The following TMEM129 variants were observed in gnomAD, a reference collection of about 807,000 sequenced individuals.
TMEM129 encodes the protein E3 ubiquitin-protein ligase TM129.
A neutral mutation model predicts 34.1 loss-of-function variants in TMEM129; 35 were observed. The observed-to-expected ratio is 1.03, with a 90% CI of 0.78 to 1.36. The LOEUF is 1.36. Among genes scored for constraint, TMEM129 ranks in the 40% most tolerant of loss-of-function variants. TMEM129 has a pLI of 0.00. For synonymous variants in TMEM129, 239 were observed against 217.3 expected, an observed-to-expected ratio of 1.10 and a Z score of -0.88; for missense variants, 504 against 512.6, an observed-to-expected ratio of 0.98 and a Z score of 0.16.
Position 1,718,268 on chromosome 4 carries a change from G to C in TMEM129, c.564C>G (p.His188Gln). 6.2e-7 allele frequency: 1 copy of C among 1,611,840 alleles called. No homozygotes were observed. The highest frequency in any genetic ancestry group is 8.5e-7 in the Non-Finnish European group (1 of 1,179,242). Reference protein sequence around the residue: ...RVHVAQQQDVHLTVTESRQHE... With the variant: ...RVHVAQQQDVQLTVTESRQHE... ...GCTGCCGAGACTCCGTCACAGTCAG[G>C]TGCACGTCCTGCTGCTGGGCCACGT... Residue 188 changes from histidine to glutamine, a missense_variant, in exon 2 of 4, where the codon CAC becomes CAG. Transcript: ENST00000382936.
At chr4:1,719,208 C>T (rs1206992768) in intron 1 of TMEM129, 6 of 482,006 alleles carry the variant, frequency 1.2e-5, no homozygotes, top group Admixed American at 7.0e-5. Flanking sequence ...TAATAGTCCA[C>T]ATTTGGAGTT....
At position 1,720,925 on chromosome 4, in the gene TMEM129, C is replaced by T. The variant is rs996775102; in HGVS notation, c.-88G>A. On this transcript the variant is annotated 5_prime_UTR_variant, in exon 1 of 4. Coordinates refer to ENST00000382936, the MANE Select transcript of TMEM129 (RefSeq NM_001127266.2). The surrounding 1 kb of genome is among the most constrained non-coding windows in gnomAD (Gnocchi z 4.4). ...CGCCCAGTCCCGGACCTGTCGGTTG[C>T]GGCGGCCGCCGCCCGGCCGCCCGCG... The T allele has an allele frequency of 6.0e-6, 7 of 1,158,030 alleles. No individual in the cohort carries two copies. Among genetic ancestry groups the T allele is most frequent in the Middle Eastern group, 3.1e-4 (1 of 3,200 alleles). 71.7% of individuals were successfully genotyped at this position (1,158,030 alleles called of 1,614,324 possible).
At chr4:1,719,322 G>A (rs1483290282) in intron 1 of TMEM129, 13 of 434,658 alleles carry the variant, frequency 3.0e-5, no homozygotes. Context: ...GGGAAGCCGA[G>A]GCGGACGGAT....
chr4:1,719,907 C>T (rs980889867), intron 1 of TMEM129, among the ~76,000 whole-genome samples: 71 of 152,342 alleles, frequency 4.7e-4, no homozygotes, highest in Non-Finnish European at 8.4e-4. Context: ...GGTCACCCCT[C>T]TTGTATCCCC....
Position 1,720,921 on chromosome 4 carries a change from G to A in TMEM129, c.-84C>T, listed in dbSNP as rs1717293382. ...GCAGCGCCCAGTCCCGGACCTGTCG[G>A]TTGCGGCGGCCGCCGCCCGGCCGCC... On this transcript the variant is annotated 5_prime_UTR_variant, in exon 1 of 4. Coordinates refer to ENST00000382936, the MANE Select transcript of TMEM129 (RefSeq NM_001127266.2). The surrounding 1 kb of genome is among the most constrained non-coding windows in gnomAD (Gnocchi z 4.4). 8.1e-7 allele frequency: 1 copy of A among 1,241,654 alleles called. No individual in the cohort carries two copies. The highest frequency in any genetic ancestry group is 1.6e-5 in the African/African-American group (1 of 62,848). The allele number at this position is 1,241,654 out of a possible 1,614,324, so 76.9% of individuals were successfully genotyped here.
chr4:1,719,549 C>T (rs1717166037), intron 1 of TMEM129, among the ~76,000 whole-genome samples: 1 of 152,266 alleles, frequency 6.6e-6, no homozygotes, highest in East Asian at 1.9e-4. Flanking sequence ...AAACAGGTAA[C>T]TAATACCTAA....
At position 1,720,066 on chromosome 4, in the gene TMEM129, G is replaced by A. The variant is rs1359112662; in HGVS notation, c.205+567C>T. Among the ~76,000 whole-genome samples the A allele has an allele frequency of 2.6e-5, 4 of 151,866 alleles. No individual in the cohort carries two copies. Among genetic ancestry groups the A allele is most frequent in the Non-Finnish European group, 4.4e-5 (3 of 67,936 alleles). ...TCCGTCATCCAATCAGCTGAGAGAGGGACCTTCCAGAGCCCCAGCTAGCAC... is the reference window on the plus strand; with the variant it reads ...TCCGTCATCCAATCAGCTGAGAGAGAGACCTTCCAGAGCCCCAGCTAGCAC... On this transcript the variant is annotated intron_variant, in intron 1 of 3. Transcript: ENST00000382936. This position sits in a 1 kb window ranked among gnomAD's most constrained non-coding sequence, Gnocchi z 4.4.
Position 1,718,354 on chromosome 4 carries a change from G to A in TMEM129, c.478C>T (p.Pro160Ser), listed in dbSNP as rs370546428. ...TCTGTCACAATCACACGGGCACCTG[G>A]TGCACCGGTGGCAAACTTGTCAATC... is the stretch of plus-strand genomic sequence containing the variant. ...RRIDKFATGA[P>S]GARVIVTDTW... The change falls in exon 2 of 4, where the codon CCA (proline) becomes TCA (serine). Residue 160 changes from proline to serine, a missense_variant. By Grantham distance (74) the Pro-to-Ser change is moderately conservative. Coordinates refer to ENST00000382936, the MANE Select transcript of TMEM129 (RefSeq NM_001127266.2). The A allele has an allele frequency of 1.9e-6, 3 of 1,613,126 alleles. No individual in the cohort carries two copies. The highest frequency in any genetic ancestry group is 2.5e-6 in the Non-Finnish European group (3 of 1,179,848).
At position 1,720,180 on chromosome 4, in the gene TMEM129, G is replaced by T. The variant is rs1717219469; in HGVS notation, c.205+453C>A. ...CCTCCCCAGCCTCTGCCCCTGTGGC[G>T]CCCCCAAACTGGAACTGCCTCCAAA... On this transcript the variant is annotated intron_variant, in intron 1 of 3. Transcript: ENST00000382936. This position sits in a 1 kb window ranked among gnomAD's most constrained non-coding sequence, Gnocchi z 4.4. 6.6e-6 allele frequency among the ~76,000 whole-genome samples: 1 copy of T among 152,200 alleles called. No homozygotes were observed. Among genetic ancestry groups the T allele is most frequent in the East Asian group, 1.9e-4 (1 of 5,170 alleles).
rs1395895241 is a variant in TMEM129 at position 1,717,638 on chromosome 4, G to A, written c.718C>T (p.Leu240Phe). The change falls in exon 3 of 4, where the codon CTC (leucine) becomes TTC (phenylalanine). Residue 240 changes from leucine (L) to phenylalanine (F), a missense_variant. Coordinates refer to ENST00000382936, the MANE Select transcript of TMEM129 (RefSeq NM_001127266.2). ...GCTGCCCTGCGGATGGGTGCCCGGA[G>A]CTTCTCGCAGAGCTCCCCGTACTCA... Reference protein sequence around the residue: ...STEYGELCEKLRAPIRRAAHV... With the variant: ...STEYGELCEKFRAPIRRAAHV... 1.9e-6 allele frequency: 3 copies of A among 1,544,770 alleles called. No homozygotes were observed. The highest frequency in any genetic ancestry group is 2.6e-6 in the Non-Finnish European group (3 of 1,143,638).
rs1050535314 is a variant in TMEM129, at chr4:1,716,437, C to T, written c.*743G>A. The T allele has an allele frequency of 6.6e-6, 1 of 152,404 alleles. No individual in the cohort carries two copies. The highest frequency in any genetic ancestry group is 1.5e-5 in the Non-Finnish European group (1 of 68,198). 9.4% of individuals were successfully genotyped at this position (152,404 alleles called of 1,614,324 possible). A position where few individuals can be genotyped will look rare whatever the true frequency, so the allele number is the denominator to read the frequency against. On this transcript the variant is annotated 3_prime_UTR_variant, in exon 4 of 4. Coordinates refer to ENST00000382936, the MANE Select transcript of TMEM129 (RefSeq NM_001127266.2). Reference sequence around the variant, plus strand: ...GCTGGACCCCTGGTGGGCTTGTGTTCTGGATGTCGCTATGGCACTTTGGTC... The same window carrying T: ...GCTGGACCCCTGGTGGGCTTGTGTTTTGGATGTCGCTATGGCACTTTGGTC...
At chr4:1,719,201 T>G (rs1302371154) in intron 1 of TMEM129, 3 of 494,550 alleles carry the variant, frequency 6.1e-6, no homozygotes, top group Non-Finnish European at 1.1e-5. Flanking sequence ...CAAAAAGTAA[T>G]AGTCCACATT....
chr4:1,720,605 T>G lies in TMEM129; in HGVS notation c.205+28A>C. The G allele has an allele frequency of 6.5e-7, 1 of 1,527,818 alleles. No homozygotes were observed. Among genetic ancestry groups the G allele is most frequent in the Non-Finnish European group, 8.8e-7 (1 of 1,141,478 alleles). 94.6% of individuals were successfully genotyped at this position (1,527,818 alleles called of 1,614,324 possible). On this transcript the variant is annotated intron_variant, in intron 1 of 3. Transcript: ENST00000382936. This position sits in a 1 kb window ranked among gnomAD's most constrained non-coding sequence, Gnocchi z 4.4. ...CCAGCAAGCCCTGCGCAGGAGAGGA[T>G]GCGGCCGGCCGGCCCGAGCAGCCTC...
At chr4:1,719,399 A>G (rs1361414190) in intron 1 of TMEM129, among the ~76,000 whole-genome samples, 1 of 152,050 alleles carries the variant, frequency 6.6e-6, no homozygotes, top group Non-Finnish European at 1.5e-5. Context: ...AAAATACAAA[A>G]AATTAGCCGG....
chr4:1,721,218 A>G lies in TMEM129; in HGVS notation c.-381T>C. The G allele has an allele frequency of 5.9e-6, 1 of 169,748 alleles. No homozygotes were observed. The highest frequency in any genetic ancestry group is 1.2e-5 in the Non-Finnish European group (1 of 80,626). The allele number at this position is 169,748 out of a possible 1,614,324, so 10.5% of individuals were successfully genotyped here. On this transcript the variant is annotated 5_prime_UTR_variant, in exon 1 of 4. Coordinates refer to ENST00000382936, the MANE Select transcript of TMEM129 (RefSeq NM_001127266.2). ...CTGTGCATTGAGCACAGGTGGGGAAACTTAGGCCTGAGCGAGGCCCTGGCC... is the reference window on the plus strand; with the variant it reads ...CTGTGCATTGAGCACAGGTGGGGAAGCTTAGGCCTGAGCGAGGCCCTGGCC...
Position 1,720,620 on chromosome 4 carries a change from C to T in TMEM129, c.205+13G>A. On this transcript the variant is annotated intron_variant, in intron 1 of 3. Transcript: ENST00000382936. This position sits in a 1 kb window ranked among gnomAD's most constrained non-coding sequence, Gnocchi z 4.4. ...CAGGAGAGGATGCGGCCGGCCGGCC[C>T]GAGCAGCCTCACCGAGCGGCAGCAG... 3 of 1,534,128 alleles carry T rather than the reference C, an allele frequency of 2.0e-6. No homozygotes were observed. Among genetic ancestry groups the T allele is most frequent in the Non-Finnish European group, 8.7e-7 (1 of 1,143,288 alleles).
At chr4:1,719,451 C>T (rs181701492) in intron 1 of TMEM129, among the ~76,000 whole-genome samples, 1,543 of 152,040 alleles carry the variant, frequency 0.01, 33 homozygotes, top group African/African-American at 0.036. Flanking sequence ...CTCAGGAGGC[C>T]GAAGTTGCAG....
At position 1,717,448 on chromosome 4, in the gene TMEM129, C is replaced by T. The variant is rs372844725; in HGVS notation, c.841-20G>A. 1.3e-6 allele frequency: 2 copies of T among 1,504,734 alleles called. No individual in the cohort carries two copies. Among genetic ancestry groups the T allele is most frequent in the Non-Finnish European group, 1.8e-6 (2 of 1,115,526 alleles). 93.2% of individuals were successfully genotyped at this position (1,504,734 alleles called of 1,614,324 possible). ...CAGCTCCTGCGGGCAGGTGGAGCGT[C>T]ACCAGGAGCCCAGGCAGACACCCGT... On this transcript the variant is annotated intron_variant, in intron 3 of 3. Coordinates refer to ENST00000382936, the MANE Select transcript of TMEM129 (RefSeq NM_001127266.2).
rs556726322 is a variant in TMEM129 at position 1,721,005 on chromosome 4, A to T, written c.-168T>A. On this transcript the variant is annotated 5_prime_UTR_variant, in exon 1 of 4. Coordinates refer to ENST00000382936, the MANE Select transcript of TMEM129 (RefSeq NM_001127266.2). Reference sequence around the variant, plus strand: ...CCGGCCGCCCGCGGGGCACTCTAGGACATGGAGTCCCGCCGCCCGGCCGCC... The same window carrying T: ...CCGGCCGCCCGCGGGGCACTCTAGGTCATGGAGTCCCGCCGCCCGGCCGCC... 1 of 224,656 alleles carries T rather than the reference A, an allele frequency of 4.5e-6. No individual in the cohort carries two copies. Among genetic ancestry groups the T allele is most frequent in the Admixed American group, 6.9e-5 (1 of 14,482 alleles). 13.9% of individuals were successfully genotyped at this position (224,656 alleles called of 1,614,324 possible).
Sources: gnomAD v4.1 joint callset for allele counts (sites outside exome capture counted in the v4.1 genomes callset) on GRCh38, gnomAD v4.1.1 for gene constraint, Gnocchi (gnomAD v3.1) non-coding constraint, MANE v1.5 for transcripts, NCBI Gene and HGNC (gene_info 2026-07-23, HGNC 2026-07-21) for gene names.